The following SLC27A2 variants were observed in gnomAD, a reference collection of about 807,000 sequenced individuals.
SLC27A2 encodes the protein solute carrier family 27 member 2, also known as long-chain fatty acid transport protein 2.
In SLC27A2, 54 loss-of-function variants were observed where a neutral mutation model predicts 60.0. That is an observed-to-expected ratio of 0.90 (90% CI 0.72 to 1.13). The LOEUF (loss-of-function observed/expected upper bound fraction) is 1.13, where lower values mean the gene tolerates loss of function less well. Among genes scored for constraint, SLC27A2 ranks in the 50% most tolerant of loss-of-function variants. The pLI, the probability that SLC27A2 is intolerant of heterozygous loss-of-function variation, is 0.00. For synonymous variants in SLC27A2, 297 were observed against 297.6 expected (o/e 1.00, Z 0.02); for missense variants, 739 against 777.6 (o/e 0.95, Z 0.59).
intron 4 of SLC27A2, among the ~76,000 whole-genome samples, chr15:50,210,687 G>A (rs951679503): frequency 2.0e-5 from 3 of 152,316 alleles, no homozygotes; most frequent in Middle Eastern, 3.4e-3. Context: ...CTCCACAGGC[G>A]GAGAAGAACT....
intron 1 of SLC27A2, among the ~76,000 whole-genome samples, chr15:50,192,236 T>A (rs569772207): frequency 6.6e-6 from 1 of 152,298 alleles, no homozygotes; most frequent in African/African-American, 2.4e-5. Flanking sequence ...GCTTCCATAG[T>A]GTGTCCAGAT....
At chr15:50,226,921 G>A in intron 6 of SLC27A2, 59 bp from the exon 7 acceptor site, 1 of 1,415,854 alleles carries the variant, frequency 7.1e-7, no homozygotes, top group Non-Finnish European at 9.7e-7. Flanking sequence ...TTTAAGAGAA[G>A]GTTGATGTAT....
chr15:50,228,321 G>A (rs1223271558), intron 7 of SLC27A2, among the ~76,000 whole-genome samples: 2 of 135,178 alleles, frequency 1.5e-5, no homozygotes. Context: ...AGGTTGCAGT[G>A]AGCTGAGATT....
At chr15:50,202,950 C>T (rs2045076905) in intron 3 of SLC27A2, among the ~76,000 whole-genome samples, 2 of 150,898 alleles carry the variant, frequency 1.3e-5, no homozygotes, top group South Asian at 4.2e-4. Flanking sequence ...GAGGCCAAGG[C>T]AGGAGGATTG....
intron 1 of SLC27A2, among the ~76,000 whole-genome samples, chr15:50,195,589 A>G (rs1461195464): frequency 1.3e-5 from 2 of 152,194 alleles, no homozygotes; most frequent in Non-Finnish European, 1.5e-5. Flanking sequence ...GTTTATTTTC[A>G]TTGTAAACAC....
At chr15:50,194,360 C>G (rs1196506693) in intron 1 of SLC27A2, among the ~76,000 whole-genome samples, 1 of 151,898 alleles carries the variant, frequency 6.6e-6, no homozygotes, top group Non-Finnish European at 1.5e-5. Context: ...ACAACCTGGG[C>G]AAAAGTAATG....
rs2045284777 is a variant in SLC27A2, at chr15:50,227,164, T to C, written c.1443T>C (p.Val481=). The C allele has an allele frequency of 6.2e-7, 1 of 1,613,860 alleles. No homozygotes were observed. The highest frequency in any genetic ancestry group is 8.5e-7 in the Non-Finnish European group (1 of 1,179,838). Residue 481 remains valine (V), a synonymous_variant, in exon 7 of 10, where the codon GTT becomes GTC. Transcript: ENST00000267842. ...ATTTCATCTATTTCCACGACAGAGT[T>C]GGAGATACATTCCGGTTGGTTTTTC... ...HENFIYFHDR[V]GDTFRWKGEN...
chr15:50,229,768 C>T (rs1237865086), intron 8 of SLC27A2, among the ~76,000 whole-genome samples: 3 of 152,098 alleles, frequency 2.0e-5, no homozygotes, highest in Non-Finnish European at 4.4e-5. Context: ...TAATAATAGA[C>T]ATCAGAGAGG....
At chr15:50,192,900 CTG>C (rs1369531263) in intron 1 of SLC27A2, among the ~76,000 whole-genome samples, 2 of 150,672 alleles carry the variant, frequency 1.3e-5, no homozygotes, top group Non-Finnish European at 3.0e-5. Context: ...AAAAAAAAGA[CTG>C]TTGCTAAGTC....
chr15:50,225,950 T>C (rs1381121500), intron 5 of SLC27A2, 38 bp from the exon 6 acceptor site: 1 of 1,360,398 alleles, frequency 7.4e-7, no homozygotes, highest in East Asian at 2.4e-5. Flanking sequence ...GGAAAAATTA[T>C]AAAAGATTTA....
chr15:50,185,206 C>T (rs2044910994), intron 1 of SLC27A2, among the ~76,000 whole-genome samples: 2 of 152,170 alleles, frequency 1.3e-5, no homozygotes, highest in South Asian at 4.1e-4. Context: ...CCTCTTCCCA[C>T]CCAGCTAACA....
intron 4 of SLC27A2, among the ~76,000 whole-genome samples, chr15:50,208,659 G>A (rs2045131942): frequency 6.6e-6 from 1 of 152,080 alleles, no homozygotes; most frequent in Non-Finnish European, 1.5e-5. Context: ...CTTACACAAA[G>A]GAAGAAATAA....
intron 1 of SLC27A2, among the ~76,000 whole-genome samples, chr15:50,196,335 A>T (rs1306629957): frequency 6.6e-6 from 1 of 151,478 alleles, no homozygotes; most frequent in East Asian, 1.9e-4. Context: ...CTGAAACAAA[A>T]CTTTTAAAAA....
At chr15:50,191,088 C>T (rs1211148567) in intron 1 of SLC27A2, 1 of 152,128 alleles carries the variant, frequency 6.6e-6, no homozygotes, top group Non-Finnish European at 1.5e-5. Context: ...GCATGTGACC[C>T]TCCATACACT....
chr15:50,233,725 T>C, intron 8 of SLC27A2, 143 bp from the exon 9 acceptor site: 5 of 668,282 alleles, frequency 7.5e-6, no homozygotes, highest in Non-Finnish European at 1.2e-5. Flanking sequence ...CACTTTACAG[T>C]ATCTTCATGT....
intron 4 of SLC27A2, among the ~76,000 whole-genome samples, chr15:50,208,787 G>A (rs1365508): frequency 0.4 from 60,703 of 152,010 alleles, 12,944 homozygotes; most frequent in Middle Eastern, 0.51. Flanking sequence ...CTATTTTGCC[G>A]TCTTCCCGCA....
At chr15:50,196,779 G>C (rs898984941) in intron 1 of SLC27A2, among the ~76,000 whole-genome samples, 1 of 152,010 alleles carries the variant, frequency 6.6e-6, no homozygotes, top group Non-Finnish European at 1.5e-5. Context: ...TAGAAAACAG[G>C]CTTTTGAAAT....
At chr15:50,212,612 A>G (rs139087941) in intron 4 of SLC27A2, among the ~76,000 whole-genome samples, 3,527 of 152,356 alleles carry the variant, frequency 0.023, 59 homozygotes, top group Non-Finnish European at 0.035. Flanking sequence ...CCTACAAGCT[A>G]GAAGGGATTG....
At chr15:50,196,136 T>G (rs2045021751) in intron 1 of SLC27A2, among the ~76,000 whole-genome samples, 1 of 116,064 alleles carries the variant, frequency 8.6e-6, no homozygotes, top group South Asian at 3.1e-4. Context: ...GTATGTACAT[T>G]CACTTCCGTT....
Sources: allele counts gnomAD v4.1 joint callset (sites outside exome capture counted in the v4.1 genomes callset), GRCh38; gene constraint gnomAD v4.1.1; transcripts MANE v1.5; gene names NCBI Gene and HGNC (gene_info 2026-07-23, HGNC 2026-07-21).